ARSG: variants seen among roughly 807,000 people sequenced by gnomAD.
The protein encoded by ARSG is arylsulfatase G, also known as ASG.
Under a neutral mutation model 50.5 loss-of-function variants are expected in ARSG, and 37 were observed. That is an observed-to-expected ratio of 0.73 (90% CI 0.56 to 0.96). ARSG has a LOEUF of 0.96. Among genes scored for constraint, ARSG ranks in the 50% least tolerant of loss-of-function variants. The pLI is 0.00. For missense variants in ARSG, 629 were observed against 675.3 expected (o/e 0.93, Z 0.76); for synonymous variants, 225 against 254.6 (o/e 0.88, Z 1.11).
chr17:68,361,904 G>A (rs182301293), intron 6 of ARSG, among the ~76,000 whole-genome samples: 2 of 152,108 alleles, frequency 1.3e-5, no homozygotes, highest in Non-Finnish European at 2.9e-5. Flanking sequence ...CAACAAGAGC[G>A]AAACTCTCAG....
At chr17:68,406,691 A>T (rs2081738989) in intron 11 of ARSG, among the ~76,000 whole-genome samples, 1 of 152,030 alleles carries the variant, frequency 6.6e-6, no homozygotes. Flanking sequence ...AGGCTTGTCT[A>T]TTCATGTGCT....
intron 8 of ARSG, among the ~76,000 whole-genome samples, chr17:68,384,396 C>T (rs1183264945): frequency 6.6e-6 from 1 of 152,114 alleles, no homozygotes; most frequent in Admixed American, 6.5e-5. Context: ...CTTTAATAAC[C>T]AAGGTGGAAA....
At chr17:68,364,319 AT>A (rs2079438688) in intron 6 of ARSG, among the ~76,000 whole-genome samples, 1 of 152,098 alleles carries the variant, frequency 6.6e-6, no homozygotes, top group Non-Finnish European at 1.5e-5. Flanking sequence ...ACAAAAAAAA[AT>A]CACCCTGAAT....
At chr17:68,304,827 G>A (rs1242777837) in intron 1 of ARSG, among the ~76,000 whole-genome samples, 9 of 152,202 alleles carry the variant, frequency 5.9e-5, no homozygotes, top group Non-Finnish European at 1.3e-4. Context: ...ACAATGCCCA[G>A]CCAACTGAAA....
chr17:68,282,132 A>G (rs999226864), intron 1 of ARSG, among the ~76,000 whole-genome samples: 4 of 152,230 alleles, frequency 2.6e-5, no homozygotes. Context: ...CTGGATTAAG[A>G]AAATGTGGCA....
chr17:68,312,605 C>A (rs1555767171), intron 2 of ARSG, among the ~76,000 whole-genome samples: 1 of 152,090 alleles, frequency 6.6e-6, no homozygotes, highest in African/African-American at 2.4e-5. Context: ...GTTCGTTGGG[C>A]TCTCCTTCTC....
At chr17:68,388,937 A>G (rs1201430417) in intron 9 of ARSG, among the ~76,000 whole-genome samples, 1 of 151,384 alleles carries the variant, frequency 6.6e-6, no homozygotes, top group Non-Finnish European at 1.5e-5. Flanking sequence ...AAAAAAAAAA[A>G]AAAAAAAAGA....
Position 68,401,423 on chromosome 17 carries a change from G to T in ARSG, c.1276G>T (p.Glu426Ter). The T allele has an allele frequency of 6.2e-7, 1 of 1,614,052 alleles. No homozygotes were observed. The highest frequency in any genetic ancestry group is 1.7e-5 in the Admixed American group (1 of 60,032). Residue 426 changes from glutamate (E) to a stop codon, truncating the protein, a stop_gained, in exon 11 of 12, where the codon GAG becomes TAG. Transcript: ENST00000621439. LOFTEE classifies it low-confidence loss of function (END_TRUNC). ...TGGAGCCCTGCAGACTGTCCGCCTG[G>T]AGCGTTACAAGGCCTTCTACATTAC... ...EFGALQTVRL[E>*]RYKAFYITGG...
At chr17:68,449,390 G>A in the ARSG span, among the ~76,000 whole-genome samples, 1 of 152,156 alleles carries the variant, frequency 6.6e-6, no homozygotes, top group Non-Finnish European at 1.5e-5. Flanking sequence ...AGCACTCTGC[G>A]AGGCCAAGGA....
chr17:68,427,131 C>T (rs57572180), downstream of ARSG: 3,536 of 1,612,978 alleles, frequency 2.2e-3, 76 homozygotes, highest in African/African-American at 0.041. Context: ...CCGTGTCCAC[C>T]CACCTGGCAC....
chr17:68,379,761 C>T (rs1483139507), intron 8 of ARSG: 1 of 917,940 alleles, frequency 1.1e-6, no homozygotes, highest in African/African-American at 1.8e-5. Flanking sequence ...TGTCGAATGA[C>T]ATTCAGCATT....
intron 9 of ARSG, among the ~76,000 whole-genome samples, chr17:68,389,264 G>A (rs554063843): frequency 2.0e-5 from 3 of 152,292 alleles, no homozygotes; most frequent in East Asian, 3.9e-4. Flanking sequence ...TCTTTACTCT[G>A]TAAGAAGCGC....
chr17:68,424,894 A>AAACAC (rs2083057109), downstream of ARSG, among the ~76,000 whole-genome samples: 1 of 152,164 alleles, frequency 6.6e-6, no homozygotes, highest in Admixed American at 6.5e-5. Context: ...AAACAAAACA[A>AAACAC]ATCAGTACTT....
At chr17:68,433,760 GTTTTTTTTTTTTTTTTTTT>G in the ARSG span, among the ~76,000 whole-genome samples, 64 of 72,818 alleles carry the variant, frequency 8.8e-4, 1 homozygote, top group African/African-American at 2.4e-3. Flanking sequence ...AAGGGTCATA[GTTTTTTTTTTTTTTTTTTT>G]TTTTTTTTTT....
chr17:68,328,729 C>T, intron 2 of ARSG, among the ~76,000 whole-genome samples: 1 of 152,098 alleles, frequency 6.6e-6, no homozygotes, highest in East Asian at 1.9e-4. Context: ...GGAGGGATGT[C>T]CAGTGGTGTC....
At chr17:68,423,650 C>T (rs989880562), downstream of ARSG, among the ~76,000 whole-genome samples, 1 of 152,208 alleles carries the variant, frequency 6.6e-6, no homozygotes, top group Non-Finnish European at 1.5e-5. The surrounding 1 kb of genome is among the most constrained non-coding windows in gnomAD (Gnocchi z 4.4). Context: ...ACAACTGGCT[C>T]ATGCCCAGCT....
the ARSG span, among the ~76,000 whole-genome samples, chr17:68,430,415 C>T: frequency 6.6e-6 from 1 of 152,296 alleles, no homozygotes; most frequent in African/African-American, 2.4e-5. Context: ...CTGCTTTCCC[C>T]TATTAAAGAA....
downstream of ARSG, among the ~76,000 whole-genome samples, chr17:68,422,961 C>A (rs1201605833): frequency 6.6e-6 from 1 of 152,052 alleles, no homozygotes; most frequent in Non-Finnish European, 1.5e-5. Context: ...AAGTAAATCC[C>A]AAGGAGGCAA....
intron 1 of ARSG, among the ~76,000 whole-genome samples, chr17:68,273,465 C>T (rs1384234430): frequency 1.3e-5 from 2 of 152,124 alleles, no homozygotes; most frequent in Non-Finnish European, 2.9e-5. Context: ...ACGTGATCCT[C>T]CTGTCTCAGC....
Sources: gnomAD v4.1 joint callset for allele counts (sites outside exome capture counted in the v4.1 genomes callset) on GRCh38, gnomAD v4.1.1 for gene constraint, Gnocchi (gnomAD v3.1) non-coding constraint, MANE v1.5 for transcripts, NCBI Gene and HGNC (gene_info 2026-07-23, HGNC 2026-07-21) for gene names.